The following GON4L variants were observed in gnomAD, a reference collection of about 807,000 sequenced individuals.
GON4L encodes the protein gon-4 like, also known as GON-4-like protein.
In GON4L, 87 loss-of-function variants were observed where a neutral mutation model predicts 211.8. That is an observed-to-expected ratio of 0.41 (90% CI 0.35 to 0.49). GON4L has a LOEUF of 0.49. Among genes scored for constraint, GON4L ranks in the 20% least tolerant of loss-of-function variants. GON4L has a pLI of 0.15. For synonymous variants in GON4L, 875 were observed against 962.6 expected, an observed-to-expected ratio of 0.91 and a Z score of 1.68; for missense variants, 2,155 against 2,659.5, an observed-to-expected ratio of 0.81 and a Z score of 4.17.
rs1376777260 is a variant in GON4L, at chr1:155,800,125, G to GTT, written c.1645+4823_1645+4824insAA. ...GAGGCAGGAAAATCGCTTGAACCTG[G>GTT]GAGGCAGAGGTTGCGGTGAGCTGAG... On this transcript the variant is annotated intron_variant, in intron 11 of 31. Transcript: ENST00000368331. Among the ~76,000 whole-genome samples the GTT allele has an allele frequency of 1.3e-3, 191 of 151,394 alleles. 1 individual carries two copies. The highest frequency in any genetic ancestry group is 4.5e-3 in the African/African-American group (184 of 41,246).
intron 5 of GON4L, 125 bp from the exon 6 acceptor site, chr1:155,820,781 G>A: frequency 1.4e-6 from 1 of 729,300 alleles, no homozygotes. Context: ...AGGAGTTTGA[G>A]ACCAGCCTGA....
At chr1:155,769,959 CAGG>C (rs1405544486) in intron 19 of GON4L, among the ~76,000 whole-genome samples, 1 of 130,068 alleles carries the variant, frequency 7.7e-6, no homozygotes, top group Non-Finnish European at 1.5e-5. Flanking sequence ...GAGGCTGAGA[CAGG>C]AGAATGCCTA....
intron 27 of GON4L, 49 bp downstream of exon 27, chr1:155,756,909 A>T: frequency 6.9e-7 from 1 of 1,444,478 alleles, no homozygotes; most frequent in Non-Finnish European, 9.7e-7. Flanking sequence ...AGTTTGGGTG[A>T]CAGAGCGAGA....
chr1:155,745,920 C>T (rs546998444), downstream of GON4L: 5 of 842,044 alleles, frequency 5.9e-6, no homozygotes, highest in African/African-American at 1.8e-5. Flanking sequence ...CAGGTGAGGT[C>T]AGCCGGCAGC....
At chr1:155,803,843 G>A (rs1388831035) in intron 11 of GON4L, among the ~76,000 whole-genome samples, 1 of 152,144 alleles carries the variant, frequency 6.6e-6, no homozygotes, top group Non-Finnish European at 1.5e-5. Flanking sequence ...TTTATGAACA[G>A]AGCTCTAACC....
rs541997597 is a variant in GON4L, at chr1:155,814,167, G to C, written c.1281+163C>G. Among the ~76,000 whole-genome samples the C allele has an allele frequency of 1.3e-3, 191 of 152,248 alleles. 1 individual carries two copies. The highest frequency in any genetic ancestry group is 4.4e-3 in the African/African-American group (184 of 41,554). ...AATGAGAACTCAGAAAAGTTCTTTG[G>C]CTATCACTGAGTTCTAGCCTTCTCT... On this transcript the variant is annotated intron_variant, in intron 9 of 31. Coordinates refer to ENST00000368331, the MANE Select transcript of GON4L (RefSeq NM_001282860.2).
chr1:155,777,772 C>T lies in GON4L; in HGVS notation c.1941G>A (p.Val647=). ...TCTTCAGCTGTTCAAATAGCTCCTTCACTGTCCGATGTTGTTCATTTAACA... is the reference window on the plus strand; with the variant it reads ...TCTTCAGCTGTTCAAATAGCTCCTTTACTGTCCGATGTTGTTCATTTAACA... The part of the protein sequence containing the change: ...ANLLNEQHRT[V]KELFEQLKMK... Residue 647 remains valine (V), a synonymous_variant, in exon 15 of 32, where the codon GTG becomes GTA. Transcript: ENST00000368331. 1.9e-6 allele frequency: 3 copies of T among 1,613,568 alleles called. No individual in the cohort carries two copies. Among genetic ancestry groups the T allele is most frequent in the Non-Finnish European group, 2.5e-6 (3 of 1,179,484 alleles).
chr1:155,812,648 C>T (rs765305320), intron 10 of GON4L, among the ~76,000 whole-genome samples: 18 of 151,914 alleles, frequency 1.2e-4, no homozygotes, highest in Non-Finnish European at 2.1e-4. Flanking sequence ...CTCTGCCTCC[C>T]GGGTTCAAGC....
chr1:155,835,037 G>C (rs188010634), intron 2 of GON4L, among the ~76,000 whole-genome samples: 286 of 152,338 alleles, frequency 1.9e-3, no homozygotes, highest in African/African-American at 3.7e-3. Flanking sequence ...TAATACAAAG[G>C]GGGGAAAGGT....
Position 155,822,443 on chromosome 1 carries a change from C to A in GON4L, c.731G>T (p.Arg244Ile), listed in dbSNP as rs1343729486. The change falls in exon 4 of 32, where the codon AGA (arginine) becomes ATA (isoleucine). Residue 244 changes from arginine to isoleucine, a missense_variant. Physicochemically the swap from Arg to Ile is moderately conservative, Grantham distance 97. This residue lies in a region of GON4L where 313 missense variants were observed against 293.2 expected (regional missense o/e 1.07). Coordinates refer to ENST00000368331, the MANE Select transcript of GON4L (RefSeq NM_001282860.2). The part of the protein sequence containing the change: ...EQDNEESEKR[R>I]KKKKGTKRKR... ...CCTCTTGGTACCCTTTTTCTTTTTT[C>A]TCCTTTTCTCACTTTCTTCATTGTC... The A allele has an allele frequency of 6.2e-7, 1 of 1,613,710 alleles. No individual in the cohort carries two copies. The highest frequency in any genetic ancestry group is 1.1e-5 in the South Asian group (1 of 91,080).
At chr1:155,772,140 T>C (rs1663257178) in intron 18 of GON4L, among the ~76,000 whole-genome samples, 1 of 151,020 alleles carries the variant, frequency 6.6e-6, no homozygotes, top group Admixed American at 6.6e-5. Flanking sequence ...GTGACAAAAG[T>C]GAAACTCTGT....
chr1:155,780,273 G>A (rs1664288335), intron 14 of GON4L, among the ~76,000 whole-genome samples: 1 of 152,030 alleles, frequency 6.6e-6, no homozygotes, highest in African/African-American at 2.4e-5. Context: ...AGCAAGCCTT[G>A]CCAGTCAGAA....
intron 3 of GON4L, among the ~76,000 whole-genome samples, chr1:155,825,099 A>G (rs822479): frequency 0.94 from 142,368 of 152,092 alleles, 67,395 homozygotes; most frequent in East Asian, 1. Flanking sequence ...AGGAGTTCAA[A>G]TTGCAGTGAG....
rs113616295 is a variant in GON4L at position 155,803,306 on chromosome 1, G to A, written c.1645+1643C>T. Among the ~76,000 whole-genome samples, 840 of 150,688 alleles carry A rather than the reference G, an allele frequency of 5.6e-3. 6 individuals carry two copies. Among genetic ancestry groups the A allele is most frequent in the African/African-American group, 0.019 (789 of 40,952 alleles). The stretch of plus-strand genomic sequence containing the variant: ...TGTTGCCAGGCTGGAGCGCAGTGGC[G>A]CAATCTCGGCTCGCTACAACCTTCG... On this transcript the variant is annotated intron_variant, in intron 11 of 31. Transcript: ENST00000368331.
intron 2 of GON4L, among the ~76,000 whole-genome samples, chr1:155,836,022 T>C (rs1226555412): frequency 6.6e-6 from 1 of 152,064 alleles, no homozygotes; most frequent in Non-Finnish European, 1.5e-5. Context: ...GGCAGGTGGA[T>C]TGCCTGAGCT....
rs781748554 is a variant in GON4L, at chr1:155,766,455, G to C, written c.3018C>G (p.Ile1006Met). Residue 1006 changes from isoleucine (I) to methionine (M), a missense_variant, in exon 21 of 32, where the codon ATC becomes ATG. Ile to Met is a conservative substitution (Grantham distance 10). Transcript: ENST00000368331. Reference sequence around the variant, plus strand: ...TGGGCTGGAGAGAGGGGCTGGGTTGGATAAGGAGGGGCTTCAGGACTGATG... The same window carrying C: ...TGGGCTGGAGAGAGGGGCTGGGTTGCATAAGGAGGGGCTTCAGGACTGATG... ...KRSSVLKPLL[I>M]QPSPSLQPSF... The C allele has an allele frequency of 2.5e-6, 4 of 1,614,120 alleles. No homozygotes were observed. The East Asian group carries it at 8.9e-5, about 36-fold the overall frequency.
At chr1:155,755,067 ATTT>A (rs1231154456) in intron 27 of GON4L, among the ~76,000 whole-genome samples, 19 of 125,092 alleles carry the variant, frequency 1.5e-4, no homozygotes, top group Admixed American at 5.7e-4. Flanking sequence ...CGCCTAGCTA[ATTT>A]TTTTTTTTTT....
At position 155,805,062 on chromosome 1, in the gene GON4L, G is replaced by A; in HGVS notation, c.1532C>T (p.Ala511Val). 1 of 1,612,972 alleles carries A rather than the reference G, an allele frequency of 6.2e-7. No homozygotes were observed. Among genetic ancestry groups the A allele is most frequent in the Non-Finnish European group, 8.5e-7 (1 of 1,179,032 alleles). The part of the protein sequence containing the change: ...LKDVPLGQLE[A>V]ELQAPDITPD... ...AGTGATGTCTGGAGCTTGGAGCTCT[G>A]CCTCTAATTGGCCCAGGGGAACATC... Residue 511 changes from alanine to valine, a missense_variant, in exon 11 of 32, where the codon GCA becomes GTA. By Grantham distance (64) the Ala-to-Val change is moderately conservative. Around this residue, in one of 6 missense-constraint regions of GON4L, gnomAD observed 551 missense variants for 854.0 expected, o/e 0.65. Transcript: ENST00000368331.
At chr1:155,806,193 C>T (rs1667116049) in intron 10 of GON4L, among the ~76,000 whole-genome samples, 1 of 150,858 alleles carries the variant, frequency 6.6e-6, no homozygotes, top group Admixed American at 6.6e-5. Context: ...TGCTCTGTCA[C>T]CCATTCTGGA....
Sources: gnomAD v4.1 joint callset for allele counts (sites outside exome capture counted in the v4.1 genomes callset) on GRCh38, gnomAD v4.1.1 for gene constraint, gnomAD v4.1.1 regional missense constraint, MANE v1.5 for transcripts, NCBI Gene and HGNC (gene_info 2026-07-23, HGNC 2026-07-21) for gene names.